The following PHF3 variants were observed in gnomAD, a reference collection of about 807,000 sequenced individuals.
The protein encoded by PHF3 is PHD finger protein 3.
A neutral mutation model predicts 178.4 loss-of-function variants in PHF3; 41 were observed. That is an observed-to-expected ratio of 0.23 (90% CI 0.18 to 0.30). The LOEUF is 0.30. Ranked by LOEUF, PHF3 falls within the 10% of genes least tolerant of loss-of-function variation. The pLI is 1.00. For synonymous variants in PHF3, 842 were observed against 800.5 expected, an observed-to-expected ratio of 1.05 and a Z score of -0.88; for missense variants, 2,346 against 2,398.1, an observed-to-expected ratio of 0.98 and a Z score of 0.45.
intron 4 of PHF3, among the ~76,000 whole-genome samples, chr6:63,691,391 C>T (rs1032132233): frequency 1.3e-5 from 2 of 152,084 alleles, no homozygotes; most frequent in East Asian, 1.9e-4. Flanking sequence ...CCACCCTTCT[C>T]AGTGGATAAA....
chr6:63,668,842 A>AT (rs994234727), intron 2 of PHF3, among the ~76,000 whole-genome samples: 4 of 151,774 alleles, frequency 2.6e-5, no homozygotes, highest in Non-Finnish European at 5.9e-5. Context: ...GTACTTGCTG[A>AT]TTTTTTTTCA....
At chr6:63,643,248 C>T (rs1160193081) in intron 1 of PHF3, among the ~76,000 whole-genome samples, 1 of 152,114 alleles carries the variant, frequency 6.6e-6, no homozygotes, top group Non-Finnish European at 1.5e-5. Context: ...GCCTGTTTAG[C>T]ATTAGAGCTA....
At chr6:63,668,383 C>T (rs1357135127) in intron 2 of PHF3, among the ~76,000 whole-genome samples, 1 of 152,136 alleles carries the variant, frequency 6.6e-6, no homozygotes, top group Non-Finnish European at 1.5e-5. Context: ...GCCCAGGCTG[C>T]AGTGCAGTGG....
At position 63,717,378 on chromosome 6, in the gene PHF3, G is replaced by T. The variant is rs1475958849; in HGVS notation, c.*3670G>T. The stretch of plus-strand genomic sequence containing the variant: ...GCTTATCTCAGATCCCTGTAACACT[G>T]GTCAGGCTACAACTTACTAATGACT... On this transcript the variant is annotated 3_prime_UTR_variant, in exon 16 of 16. Transcript: ENST00000262043. Among the ~76,000 whole-genome samples the T allele has an allele frequency of 6.6e-6, 1 of 152,024 alleles. No individual in the cohort carries two copies. Among genetic ancestry groups the T allele is most frequent in the African/African-American group, 2.4e-5 (1 of 41,422 alleles).
Position 63,635,923 on chromosome 6 carries a change from C to T in PHF3, c.-253C>T, listed in dbSNP as rs1051172389. The T allele has an allele frequency of 7.5e-6, 3 of 397,718 alleles. No individual in the cohort carries two copies. The highest frequency in any genetic ancestry group is 2.1e-5 in the African/African-American group (1 of 48,494). 24.6% of individuals were successfully genotyped at this position (397,718 alleles called of 1,614,324 possible). The stretch of plus-strand genomic sequence containing the variant: ...CAAGCGACCTTCGGGCTCAGGGCGG[C>T]GGCGGCTGCAACGAGGATTAGGAGG... On this transcript the variant is annotated 5_prime_UTR_variant, in exon 1 of 16. Transcript: ENST00000262043.
chr6:63,635,963 A>C lies in PHF3; in HGVS notation c.-213A>C, dbSNP rs994520438. On this transcript the variant is annotated 5_prime_UTR_variant, in exon 1 of 16. Coordinates refer to ENST00000262043, the MANE Select transcript of PHF3 (RefSeq NM_001370348.2). ...GGATTAGGAGGGCGGCGCGGAAGCC[A>C]AGAATAGTGTCGTCAGCAGCAGCCA... is the stretch of plus-strand genomic sequence containing the variant. The C allele has an allele frequency of 2.5e-6, 1 of 398,064 alleles. No homozygotes were observed. Among genetic ancestry groups the C allele is most frequent in the Non-Finnish European group, 4.4e-6 (1 of 225,684 alleles). 24.7% of individuals were successfully genotyped at this position (398,064 alleles called of 1,614,324 possible).
In PHF3 at chr6:63,685,120, C is replaced by T. The variant is rs1357964468; in HGVS notation, c.1398C>T (p.Asn466=). 6.2e-7 allele frequency: 1 copy of T among 1,613,966 alleles called. No homozygotes were observed. The highest frequency in any genetic ancestry group is 8.5e-7 in the Non-Finnish European group (1 of 1,179,976). ...AAATAGAGTCCCATGAAACAGCAAA[C>T]CTTCAGGATGACAGAAACAGCCAGT... ...STKIESHETA[N]LQDDRNSQSS... Residue 466 remains asparagine, a synonymous_variant, in exon 4 of 16, where the codon AAC becomes AAT. Coordinates refer to ENST00000262043, the MANE Select transcript of PHF3 (RefSeq NM_001370348.2).
chr6:63,665,849 A>G (rs1765660381), intron 2 of PHF3, among the ~76,000 whole-genome samples: 1 of 152,154 alleles, frequency 6.6e-6, no homozygotes, highest in African/African-American at 2.4e-5. Context: ...AAGGAACTAT[A>G]TTTATATTAA....
rs1767954291 is a variant in PHF3, at chr6:63,712,131, G to A, written c.4543G>A (p.Val1515Ile). The change falls in exon 16 of 16, where the codon GTA (valine) becomes ATA (isoleucine). Residue 1515 changes from valine (V) to isoleucine (I), a missense_variant. This residue lies in a region of PHF3 where 839 missense variants were observed against 806.9 expected (regional missense o/e 1.04). Coordinates refer to ENST00000262043, the MANE Select transcript of PHF3 (RefSeq NM_001370348.2). ...AATAGAGAAAACAGATAATGTGGAA[G>A]TAACTGATGGTGAAAACAAGGAGAT... ...SKIEKTDNVE[V>I]TDGENKEIKV... 3.1e-6 allele frequency: 5 copies of A among 1,613,244 alleles called. No homozygotes were observed. The Admixed American group carries it at 5.0e-5, about 16-fold the overall frequency.
chr6:63,687,038 C>A (rs1201356323), intron 4 of PHF3, among the ~76,000 whole-genome samples: 1 of 152,130 alleles, frequency 6.6e-6, no homozygotes, highest in African/African-American at 2.4e-5. Flanking sequence ...CAATATATTC[C>A]AGTTTTTAAA....
rs1051929820 is a variant in PHF3 at position 63,715,641 on chromosome 6, G to A, written c.*1933G>A. Among the ~76,000 whole-genome samples the A allele has an allele frequency of 9.2e-5, 14 of 152,044 alleles. No individual in the cohort carries two copies. The highest frequency in any genetic ancestry group is 1.5e-4 in the Non-Finnish European group (10 of 68,012). ...TAAAATTCTTTAATCAGTTCTGATCGAATCTTGATACATGTTTTTAAAATA... is the reference window on the plus strand; with the variant it reads ...TAAAATTCTTTAATCAGTTCTGATCAAATCTTGATACATGTTTTTAAAATA... On this transcript the variant is annotated 3_prime_UTR_variant, in exon 16 of 16. Transcript: ENST00000262043.
chr6:63,640,146 G>A (rs999657049), intron 1 of PHF3, among the ~76,000 whole-genome samples: 1 of 152,156 alleles, frequency 6.6e-6, no homozygotes, highest in African/African-American at 2.4e-5. Context: ...TCTAACTAAC[G>A]AAACTGAACC....
intron 1 of PHF3, among the ~76,000 whole-genome samples, chr6:63,644,224 A>T (rs564478888): frequency 8.5e-5 from 13 of 152,138 alleles, no homozygotes; most frequent in Non-Finnish European, 1.5e-4. Context: ...GAGAAAAAAG[A>T]TTACTAATTG....
At position 63,691,804 on chromosome 6, in the gene PHF3, C is replaced by A; in HGVS notation, c.2257C>A (p.Gln753Lys). 2 of 1,613,704 alleles carry A rather than the reference C, an allele frequency of 1.2e-6. No homozygotes were observed. The highest frequency in any genetic ancestry group is 1.7e-6 in the Non-Finnish European group (2 of 1,179,838). The change falls in exon 5 of 16, where the codon CAA becomes AAA. Residue 753 changes from glutamine (Q) to lysine (K), a missense_variant. Coordinates refer to ENST00000262043, the MANE Select transcript of PHF3 (RefSeq NM_001370348.2). ...HGDCVGLSLS[Q>K]AQQMGEEDKE... ...TGATTGTGTTGGGTTAAGTCTTTCT[C>A]AAGCACAGCAGATGGGCGAGGAAGA... is the stretch of plus-strand genomic sequence containing the variant.
intron 2 of PHF3, among the ~76,000 whole-genome samples, chr6:63,650,194 G>A (rs116113381): frequency 0.012 from 1,784 of 152,264 alleles, 30 homozygotes; most frequent in African/African-American, 0.041. Flanking sequence ...CTTTCATTCA[G>A]ATAGCACTCT....
chr6:63,645,590 A>ATAGGTT (rs1764750160), intron 1 of PHF3, among the ~76,000 whole-genome samples: 1 of 152,148 alleles, frequency 6.6e-6, no homozygotes, highest in African/African-American at 2.4e-5. Flanking sequence ...GTTATAGGTT[A>ATAGGTT]ATCACTGGGA....
chr6:63,670,472 G>A (rs1456923446), intron 2 of PHF3, among the ~76,000 whole-genome samples: 2 of 151,932 alleles, frequency 1.3e-5, no homozygotes, highest in East Asian at 3.9e-4. Flanking sequence ...GTTTCACCAC[G>A]TTAGCCAGGA....
chr6:63,664,877 T>C (rs1765616484), intron 2 of PHF3, among the ~76,000 whole-genome samples: 1 of 151,966 alleles, frequency 6.6e-6, no homozygotes, highest in Admixed American at 6.5e-5. Context: ...ATAATAGAAA[T>C]TTATTGTAAG....
chr6:63,694,538 T>C lies in PHF3; in HGVS notation c.2497-43T>C, dbSNP rs1201213467. The C allele has an allele frequency of 5.4e-6, 7 of 1,305,598 alleles. No individual in the cohort carries two copies. The Middle Eastern group carries it at 9.8e-4, about 182-fold the overall frequency. The allele number at this position is 1,305,598 out of a possible 1,614,324, so 80.9% of individuals were successfully genotyped here. On this transcript the variant is annotated intron_variant, in intron 5 of 15. Coordinates refer to ENST00000262043, the MANE Select transcript of PHF3 (RefSeq NM_001370348.2). Reference sequence around the variant, plus strand: ...TGTACGTCTTAAAAAACAAAGATTGTTTAGTTATTTTCATTCTAATGAATT... The same window carrying C: ...TGTACGTCTTAAAAAACAAAGATTGCTTAGTTATTTTCATTCTAATGAATT...
Sources: gnomAD v4.1 joint callset for allele counts (sites outside exome capture counted in the v4.1 genomes callset) on GRCh38, gnomAD v4.1.1 for gene constraint, gnomAD v4.1.1 regional missense constraint, MANE v1.5 for transcripts, NCBI Gene and HGNC (gene_info 2026-07-23, HGNC 2026-07-21) for gene names.